CWH43: variants seen among roughly 807,000 people sequenced by gnomAD.
CWH43 encodes the protein cell wall biogenesis 43 C-terminal homolog.
In CWH43, 91 loss-of-function variants were observed where a neutral mutation model predicts 85.7. That is an observed-to-expected ratio of 1.06 (90% CI 0.90 to 1.26). The LOEUF (loss-of-function observed/expected upper bound fraction) is 1.26. Ranked by LOEUF, CWH43 falls within the 50% of genes most tolerant of loss-of-function variation. The pLI is 0.00. For missense variants in CWH43, 869 were observed against 839.2 expected (o/e 1.04, Z -0.44); for synonymous variants, 323 against 293.6 (o/e 1.10, Z -1.02).
intron 8 of CWH43, among the ~76,000 whole-genome samples, 175 bp downstream of exon 8, chr4:49,007,501 G>C (rs146531019): frequency 2.0e-5 from 3 of 152,170 alleles, no homozygotes; most frequent in African/African-American, 7.2e-5. Flanking sequence ...TATACTTTAA[G>C]TTCTAGGGTA....
intron 14 of CWH43, among the ~76,000 whole-genome samples, chr4:49,048,748 T>G (rs1784708618): frequency 6.6e-6 from 1 of 152,212 alleles, no homozygotes; most frequent in East Asian, 1.9e-4. Flanking sequence ...AATTATTTCC[T>G]TAGAAGATAT....
intron 15 of CWH43, among the ~76,000 whole-genome samples, chr4:49,060,154 G>A (rs1301631293): frequency 6.6e-6 from 1 of 151,964 alleles, no homozygotes; most frequent in South Asian, 2.1e-4. Context: ...GGTGCCTGGG[G>A]TTATAAGGGG....
chr4:49,055,302 C>T (rs1239352778), intron 15 of CWH43, among the ~76,000 whole-genome samples: 1 of 152,100 alleles, frequency 6.6e-6, no homozygotes, highest in Non-Finnish European at 1.5e-5. Flanking sequence ...TACATTGTAT[C>T]ATATTTATTG....
intron 12 of CWH43, among the ~76,000 whole-genome samples, chr4:49,034,316 T>C (rs541923848): frequency 7.9e-5 from 12 of 152,334 alleles, no homozygotes; most frequent in Non-Finnish European, 1.3e-4. Flanking sequence ...TGTTTAAAGG[T>C]TGCAAGTTCT....
Position 49,041,412 on chromosome 4 carries a change from T to A in CWH43, c.1803+3232T>A, listed in dbSNP as rs187267013. 9.8e-5 allele frequency among the ~76,000 whole-genome samples: 15 copies of A among 152,310 alleles called. No homozygotes were observed. In the East Asian group the frequency reaches 2.9e-3, roughly 29 times the overall value. On this transcript the variant is annotated intron_variant, in intron 13 of 15. Coordinates refer to ENST00000226432, the MANE Select transcript of CWH43 (RefSeq NM_025087.3). The stretch of plus-strand genomic sequence containing the variant: ...TCTTCCATTTGTTTGTATCCTCTTT[T>A]ATTTCCTTGAGCAGTGGTTTGTAGT...
intron 5 of CWH43, among the ~76,000 whole-genome samples, chr4:48,997,528 G>T (rs1782851806): frequency 6.6e-6 from 1 of 152,168 alleles, no homozygotes; most frequent in Non-Finnish European, 1.5e-5. Context: ...AGTAGAAAAA[G>T]ATCCACACTG....
At chr4:49,011,798 G>A (rs1054767173) in intron 8 of CWH43, among the ~76,000 whole-genome samples, 1 of 152,160 alleles carries the variant, frequency 6.6e-6, no homozygotes, top group Non-Finnish European at 1.5e-5. Context: ...TTGAATATTG[G>A]TCTCCACTCT....
Position 48,986,424 on chromosome 4 carries a change from G to T in CWH43, c.-6G>T. ...TTCCTGGAAAGCGCTGCCCCTCGCC[G>T]CGGCGATGCCCTCGCTGTGGAGAGA... On this transcript the variant is annotated 5_prime_UTR_variant, in exon 1 of 16. Coordinates refer to ENST00000226432, the MANE Select transcript of CWH43 (RefSeq NM_025087.3). 1 of 1,544,838 alleles carries T rather than the reference G, an allele frequency of 6.5e-7. No homozygotes were observed. The highest frequency in any genetic ancestry group is 2.4e-5 in the East Asian group (1 of 41,554).
chr4:49,017,994 C>A (rs894766031), intron 9 of CWH43, among the ~76,000 whole-genome samples: 1 of 152,018 alleles, frequency 6.6e-6, no homozygotes, highest in Non-Finnish European at 1.5e-5. Flanking sequence ...TGCCACCATG[C>A]CCGGCTAATT....
chr4:49,052,529 A>G (rs911427526), intron 15 of CWH43, among the ~76,000 whole-genome samples: 5 of 152,142 alleles, frequency 3.3e-5, no homozygotes, highest in African/African-American at 1.2e-4. Flanking sequence ...CCTTTTGCTG[A>G]TTGAGATGGT....
At chr4:49,037,236 C>T (rs1784289072) in intron 12 of CWH43, among the ~76,000 whole-genome samples, 1 of 152,102 alleles carries the variant, frequency 6.6e-6, no homozygotes, top group African/African-American at 2.4e-5. Context: ...GCACCATGTT[C>T]AGCTGGTGTT....
At chr4:48,988,759 G>A in intron 2 of CWH43, 91 bp downstream of exon 2, 1 of 776,266 alleles carries the variant, frequency 1.3e-6, no homozygotes, top group Middle Eastern at 3.7e-4. Context: ...CTAAATATTT[G>A]AATTTAAAAA....
intron 13 of CWH43, among the ~76,000 whole-genome samples, chr4:49,043,056 A>T (rs1164044283): frequency 6.6e-6 from 1 of 151,990 alleles, no homozygotes; most frequent in Non-Finnish European, 1.5e-5. Flanking sequence ...GTCTGTCATT[A>T]TTTACTAGCC....
At chr4:49,015,017 C>T (rs1783495358) in intron 8 of CWH43, among the ~76,000 whole-genome samples, 1 of 152,148 alleles carries the variant, frequency 6.6e-6, no homozygotes, top group Admixed American at 6.6e-5. Flanking sequence ...CTAAACATCC[C>T]CTGTGCCTCA....
chr4:49,052,068 T>TG (rs1331998255), intron 15 of CWH43, among the ~76,000 whole-genome samples: 2 of 152,176 alleles, frequency 1.3e-5, no homozygotes, highest in Non-Finnish European at 2.9e-5. Context: ...CTCATTTTTT[T>TG]GGGGGAAAAA....
chr4:49,024,667 A>C (rs1387211611), intron 9 of CWH43, among the ~76,000 whole-genome samples: 1 of 152,184 alleles, frequency 6.6e-6, no homozygotes, highest in Non-Finnish European at 1.5e-5. Flanking sequence ...TAAGGAGGCT[A>C]AAGATAGGAC....
At chr4:49,057,414 T>G (rs1434882614) in intron 15 of CWH43, among the ~76,000 whole-genome samples, 2 of 152,228 alleles carry the variant, frequency 1.3e-5, no homozygotes, top group South Asian at 2.1e-4. Context: ...TTAGCCTCTC[T>G]GAAAGAGGCA....
intron 15 of CWH43, among the ~76,000 whole-genome samples, chr4:49,059,383 T>A (rs1472035476): frequency 2.0e-5 from 3 of 152,242 alleles, no homozygotes; most frequent in Non-Finnish European, 2.9e-5. Flanking sequence ...TAGTTGTCCA[T>A]CTGTGTTCTC....
intron 2 of CWH43, among the ~76,000 whole-genome samples, chr4:48,990,734 T>C (rs1782633916): frequency 6.6e-6 from 1 of 152,204 alleles, no homozygotes; most frequent in Non-Finnish European, 1.5e-5. Context: ...TGGCAAAGCG[T>C]GATAGAAGCT....
Sources: gnomAD v4.1 joint callset for allele counts (sites outside exome capture counted in the v4.1 genomes callset) on GRCh38, gnomAD v4.1.1 for gene constraint, MANE v1.5 for transcripts, NCBI Gene and HGNC (gene_info 2026-07-23, HGNC 2026-07-21) for gene names.